Variants in BPHL observed in about 807,000 individuals in gnomAD.
BPHL encodes biphenyl hydrolase like, also known as serine hydrolase BPHL.
Under a neutral mutation model 31.2 loss-of-function variants are expected in BPHL, and 27 were observed. The observed-to-expected ratio is 0.87, with a 90% CI of 0.64 to 1.19. The LOEUF is 1.19. Ranked by LOEUF, BPHL falls within the 50% of genes most tolerant of loss-of-function variation. The pLI, the probability that BPHL is intolerant of heterozygous loss-of-function variation, is 0.00. For missense variants in BPHL, 356 were observed against 375.7 expected, an observed-to-expected ratio of 0.95 and a Z score of 0.43; for synonymous variants, 150 against 146.8, an observed-to-expected ratio of 1.02 and a Z score of -0.16.
At chr6:3,138,639 G>A (rs1296506181) in intron 5 of BPHL, 1 of 152,324 alleles carries the variant, frequency 6.6e-6, no homozygotes, top group African/African-American at 2.4e-5. Context: ...TATATCAAAT[G>A]TATGCCTTAT....
intron 4 of BPHL, among the ~76,000 whole-genome samples, chr6:3,135,984 A>G (rs115784233): frequency 0.014 from 2,090 of 152,278 alleles, 44 homozygotes; most frequent in African/African-American, 0.048. Context: ...GTCTCCACCC[A>G]GAGCAGGCCT....
intron 4 of BPHL, among the ~76,000 whole-genome samples, chr6:3,133,689 G>A (rs903240317): frequency 3.3e-5 from 5 of 152,138 alleles, no homozygotes; most frequent in African/African-American, 1.2e-4. Context: ...CTCCCAGAAT[G>A]GCCCAAGCAT....
intron 6 of BPHL, among the ~76,000 whole-genome samples, chr6:3,141,694 C>T (rs1762182456): frequency 6.6e-6 from 1 of 151,970 alleles, no homozygotes. Flanking sequence ...TTAGTAGGGG[C>T]TGGGCACAGT....
Position 3,127,323 on chromosome 6 carries a change from G to T in BPHL, c.293G>T (p.Gly98Val). The T allele has an allele frequency of 1.3e-6, 2 of 1,518,474 alleles. No homozygotes were observed. Among genetic ancestry groups the T allele is most frequent in the Non-Finnish European group, 1.8e-6 (2 of 1,127,772 alleles). 94.1% of individuals were successfully genotyped at this position (1,518,474 alleles called of 1,614,324 possible). Residue 98 changes from glycine to valine, a missense_variant, in exon 3 of 7, where the codon GGC becomes GTC. By Grantham distance (109) the Gly-to-Val change is moderately radical. Transcript: ENST00000380379. ...ACGGTGGTCGCCTGGGATCCTCGAG[G>T]CTATGGACATTCCAGGCCCCCAGAT... The part of the protein sequence containing the change: ...LFTVVAWDPR[G>V]YGHSRPPDRD...
intron 4 of BPHL, among the ~76,000 whole-genome samples, chr6:3,133,717 C>T (rs1227829137): frequency 6.6e-6 from 1 of 152,206 alleles, no homozygotes; most frequent in East Asian, 1.9e-4. Flanking sequence ...TCTAGGAAGC[C>T]CTCACCGCCG....
chr6:3,129,019 C>G, intron 3 of BPHL, 26 bp from the exon 4 acceptor site: 1 of 1,614,156 alleles, frequency 6.2e-7, no homozygotes. Context: ...ATAACCCGTG[C>G]CGTGCATTTT....
At chr6:3,142,719 G>C (rs1762215149) in intron 6 of BPHL, among the ~76,000 whole-genome samples, 1 of 152,148 alleles carries the variant, frequency 6.6e-6, no homozygotes, top group Non-Finnish European at 1.5e-5. Flanking sequence ...TAATATGTAT[G>C]ATGGTAACAT....
intron 4 of BPHL, among the ~76,000 whole-genome samples, chr6:3,135,537 T>C (rs1332217444): frequency 6.6e-6 from 1 of 152,268 alleles, no homozygotes; most frequent in African/African-American, 2.4e-5. Flanking sequence ...TTATGGATTC[T>C]TTGATTCATT....
intron 3 of BPHL, among the ~76,000 whole-genome samples, chr6:3,128,724 A>G (rs1190997887): frequency 3.3e-5 from 5 of 152,274 alleles, no homozygotes; most frequent in African/African-American, 9.6e-5. Context: ...GTGCACACGC[A>G]TACACACGTA....
intron 1 of BPHL, among the ~76,000 whole-genome samples, chr6:3,122,286 T>A (rs976107654): frequency 6.6e-6 from 1 of 152,066 alleles, no homozygotes; most frequent in African/African-American, 2.4e-5. Flanking sequence ...TCTCAAAAAA[T>A]AAATAAATAA....
intron 6 of BPHL, among the ~76,000 whole-genome samples, chr6:3,145,270 T>C (rs1473768578): frequency 2.9e-4 from 11 of 38,196 alleles, no homozygotes; most frequent in African/African-American, 2.2e-3. Context: ...AGTGCTGGTG[T>C]GGGTTGGAGT....
At chr6:3,145,217 C>T (rs76026679) in intron 6 of BPHL, among the ~76,000 whole-genome samples, 2,664 of 21,978 alleles carry the variant, frequency 0.12, 136 homozygotes, top group Non-Finnish European at 0.15. Context: ...AGTGCTGGTT[C>T]GGGTCCGAGT....
intron 3 of BPHL, 48 bp from the exon 4 acceptor site, chr6:3,128,997 C>T: frequency 6.2e-7 from 1 of 1,612,838 alleles, no homozygotes; most frequent in South Asian, 1.1e-5. Context: ...TTTCTTTTAA[C>T]AGAGAGGAGC....
At chr6:3,136,331 C>T (rs556072817) in intron 4 of BPHL, among the ~76,000 whole-genome samples, 7 of 152,276 alleles carry the variant, frequency 4.6e-5, no homozygotes, top group African/African-American at 1.4e-4. Flanking sequence ...TCTCCACGTA[C>T]CTCATTCAAG....
chr6:3,145,183 G>A (rs1487232686), intron 6 of BPHL, among the ~76,000 whole-genome samples: 1 of 23,902 alleles, frequency 4.2e-5, no homozygotes, highest in Non-Finnish European at 1.3e-4. Flanking sequence ...TGCTGGTTCG[G>A]GGTGGAGTGC....
intron 6 of BPHL, among the ~76,000 whole-genome samples, chr6:3,151,624 G>A (rs1762526749): frequency 1.3e-5 from 2 of 152,176 alleles, no homozygotes. Flanking sequence ...CCCTAATATT[G>A]TCCTTTTAAT....
Position 3,140,103 on chromosome 6 carries a change from T to G in BPHL, c.665-283T>G. 1 of 418,664 alleles carries G rather than the reference T, an allele frequency of 2.4e-6. No individual in the cohort carries two copies. The highest frequency in any genetic ancestry group is 2.0e-5 in the African/African-American group (1 of 49,510). 25.9% of individuals were successfully genotyped at this position (418,664 alleles called of 1,614,324 possible). A position where few individuals can be genotyped will look rare whatever the true frequency, so the allele number is the denominator to read the frequency against. On this transcript the variant is annotated intron_variant, in intron 5 of 6. Coordinates refer to ENST00000380379, the MANE Select transcript of BPHL (RefSeq NM_004332.4). This position sits in a 1 kb window ranked among gnomAD's most constrained non-coding sequence, Gnocchi z 5.2. Reference sequence around the variant, plus strand: ...ACTGTGGAATATAGTGGTGGGGTGTTTATTTGATTTTCCTACTATTTTATG... The same window carrying G: ...ACTGTGGAATATAGTGGTGGGGTGTGTATTTGATTTTCCTACTATTTTATG...
intron 5 of BPHL, 95 bp downstream of exon 5, chr6:3,137,588 G>A: frequency 6.6e-7 from 1 of 1,526,696 alleles, no homozygotes. Flanking sequence ...TCATGAATCT[G>A]CCCATCGCCC....
intron 6 of BPHL, among the ~76,000 whole-genome samples, chr6:3,143,983 C>T (rs533443797): frequency 1.3e-5 from 2 of 152,392 alleles, no homozygotes; most frequent in South Asian, 2.1e-4. Flanking sequence ...TCAGGCGGCT[C>T]CTCAGCGAGG....
Sources: allele counts gnomAD v4.1 joint callset (sites outside exome capture counted in the v4.1 genomes callset), GRCh38; gene constraint gnomAD v4.1.1; non-coding constraint Gnocchi (gnomAD v3.1); transcripts MANE v1.5; gene names NCBI Gene and HGNC (gene_info 2026-07-23, HGNC 2026-07-21).